NTN4: variants seen among roughly 807,000 people sequenced by gnomAD.
NTN4 encodes netrin 4, also known as netrin-4.
Under a neutral mutation model 73.6 loss-of-function variants are expected in NTN4, and 32 were observed. The observed-to-expected ratio is 0.44, with a 90% CI of 0.33 to 0.58. The LOEUF (loss-of-function observed/expected upper bound fraction) is 0.58, where lower values mean the gene tolerates loss of function less well. Among genes scored for constraint, NTN4 ranks in the 20% least tolerant of loss-of-function variants. The pLI, the probability that NTN4 is intolerant of heterozygous loss-of-function variation, is 0.04. For synonymous variants in NTN4, 258 were observed against 287.5 expected (o/e 0.90, Z 1.04); for missense variants, 654 against 798.3 (o/e 0.82, Z 2.18).
chr12:95,770,935 G>A (rs1183429710), intron 2 of NTN4, among the ~76,000 whole-genome samples: 1 of 151,904 alleles, frequency 6.6e-6, no homozygotes, highest in African/African-American at 2.4e-5. Flanking sequence ...AGAAAGAAGG[G>A]TGTTGTTCTG....
intron 3 of NTN4, among the ~76,000 whole-genome samples, chr12:95,736,187 C>T (rs1484294507): frequency 6.6e-6 from 1 of 152,118 alleles, no homozygotes; most frequent in Non-Finnish European, 1.5e-5. Flanking sequence ...GATCCACCCG[C>T]CTTGGCCTCC....
chr12:95,732,320 GT>G (rs1565900037), intron 3 of NTN4, among the ~76,000 whole-genome samples: 1 of 134,702 alleles, frequency 7.4e-6, no homozygotes. Context: ...TAACTTTATC[GT>G]TTTTAAAATC....
At chr12:95,744,062 C>T (rs888560161) in intron 2 of NTN4, among the ~76,000 whole-genome samples, 3 of 152,080 alleles carry the variant, frequency 2.0e-5, no homozygotes, top group Admixed American at 6.6e-5. Context: ...CCACCACGCC[C>T]GGCTAATTTT....
At chr12:95,783,230 T>C (rs1217928065) in intron 2 of NTN4, among the ~76,000 whole-genome samples, 2 of 152,162 alleles carry the variant, frequency 1.3e-5, no homozygotes, top group African/African-American at 4.8e-5. Context: ...ATCATTAGGG[T>C]CCTGAAAGAT....
chr12:95,722,114 A>G (rs2078653004), intron 3 of NTN4, among the ~76,000 whole-genome samples: 2 of 149,968 alleles, frequency 1.3e-5, no homozygotes, highest in African/African-American at 2.5e-5. Flanking sequence ...ACTAAGACCT[A>G]AAGTCAAGTT....
At chr12:95,664,118 A>C (rs776565328) in intron 9 of NTN4, among the ~76,000 whole-genome samples, 1 of 152,088 alleles carries the variant, frequency 6.6e-6, no homozygotes, top group African/African-American at 2.4e-5. Flanking sequence ...CAGTGGCTCA[A>C]TCATGGCTCA....
chr12:95,735,607 G>A (rs2078769993), intron 3 of NTN4, among the ~76,000 whole-genome samples: 1 of 152,124 alleles, frequency 6.6e-6, no homozygotes. Flanking sequence ...TTTTGGAATG[G>A]AAAAACACTT....
chr12:95,674,759 T>C (rs2078260231), intron 7 of NTN4, among the ~76,000 whole-genome samples: 2 of 152,216 alleles, frequency 1.3e-5, no homozygotes, highest in African/African-American at 4.8e-5. Flanking sequence ...CACCATTCTA[T>C]ACCCAATGCA....
intron 2 of NTN4, among the ~76,000 whole-genome samples, chr12:95,779,521 C>G (rs931552532): frequency 3.3e-5 from 5 of 152,122 alleles, no homozygotes; most frequent in African/African-American, 1.2e-4. Context: ...AACAGACAAA[C>G]AGAGAGCCAA....
At chr12:95,771,036 C>T (rs2079055070) in intron 2 of NTN4, among the ~76,000 whole-genome samples, 2 of 142,874 alleles carry the variant, frequency 1.4e-5, no homozygotes, top group African/African-American at 5.4e-5. Flanking sequence ...GTCGCCCAGG[C>T]TGGAGTGCAG....
chr12:95,664,859 G>A (rs1384014997), intron 9 of NTN4, among the ~76,000 whole-genome samples: 1 of 151,970 alleles, frequency 6.6e-6, no homozygotes, highest in Non-Finnish European at 1.5e-5. Flanking sequence ...ATGTAACAAT[G>A]AGTTTATATG....
Position 95,710,439 on chromosome 12 carries a change from A to T in NTN4, c.1180+2T>A. 6.2e-7 allele frequency: 1 copy of T among 1,610,424 alleles called. No homozygotes were observed. The highest frequency in any genetic ancestry group is 8.5e-7 in the Non-Finnish European group (1 of 1,177,786). The stretch of plus-strand genomic sequence containing the variant: ...ATTTTCTGGAAACCACAGGTTACTT[A>T]CGTTTGCAAGCATCTGGAGCTGAGA... On this transcript the variant is annotated splice_donor_variant, in intron 5 of 9. Transcript: ENST00000343702. LOFTEE classifies it high-confidence loss of function.
intron 3 of NTN4, among the ~76,000 whole-genome samples, chr12:95,729,562 T>C (rs1037017227): frequency 2.0e-5 from 3 of 152,044 alleles, no homozygotes; most frequent in East Asian, 1.9e-4. Context: ...CTTGTTTTCC[T>C]TACTATTTGA....
intron 5 of NTN4, among the ~76,000 whole-genome samples, chr12:95,705,191 G>A (rs912651489): frequency 3.9e-5 from 6 of 151,912 alleles, no homozygotes; most frequent in African/African-American, 1.2e-4. Flanking sequence ...TTTTTTAAGA[G>A]TATCTTAATG....
At chr12:95,753,388 T>A (rs1236251305) in intron 2 of NTN4, among the ~76,000 whole-genome samples, 1 of 148,066 alleles carries the variant, frequency 6.8e-6, no homozygotes, top group Non-Finnish European at 1.5e-5. Context: ...GCAAATTAGC[T>A]TTACTCAACA....
chr12:95,790,683 C>A lies in NTN4; in HGVS notation c.-374G>T. The A allele has an allele frequency of 6.1e-6, 1 of 164,232 alleles. No homozygotes were observed. The highest frequency in any genetic ancestry group is 1.8e-4 in the South Asian group (1 of 5,632). 10.2% of individuals were successfully genotyped at this position (164,232 alleles called of 1,614,324 possible). ...TTTGCGAGACCTTTCACTTCCCGGC[C>A]GCCGCCGCCGCCTCCTCCTGGGCGT... On this transcript the variant is annotated 5_prime_UTR_variant, in exon 1 of 10. Coordinates refer to ENST00000343702, the MANE Select transcript of NTN4 (RefSeq NM_021229.4). The surrounding 1 kb of genome is among the most constrained non-coding windows in gnomAD (Gnocchi z 6.5).
rs569102321 is a variant in NTN4 at position 95,782,315 on chromosome 12, A to G, written c.585+4624T>C. Among the ~76,000 whole-genome samples, 4 of 150,686 alleles carry G rather than the reference A, an allele frequency of 2.7e-5. No homozygotes were observed. In the East Asian group the frequency reaches 7.8e-4, roughly 29 times the overall value. ...TTACTTTTTTTTTTTCTTTTTTTTG[A>G]GACAGAGTCTCACTCTGTCGCCCAG... On this transcript the variant is annotated intron_variant, in intron 2 of 9. Coordinates refer to ENST00000343702, the MANE Select transcript of NTN4 (RefSeq NM_021229.4).
At chr12:95,684,646 C>T (rs1451480490) in intron 5 of NTN4, among the ~76,000 whole-genome samples, 1 of 151,932 alleles carries the variant, frequency 6.6e-6, no homozygotes, top group Middle Eastern at 3.2e-3. Context: ...TCTCCTCAGC[C>T]CTCTCCCTAC....
chr12:95,780,615 C>G (rs961560159), intron 2 of NTN4, among the ~76,000 whole-genome samples: 1 of 151,784 alleles, frequency 6.6e-6, no homozygotes, highest in Non-Finnish European at 1.5e-5. Flanking sequence ...CATCTCACAC[C>G]AGTTAGAATG....
Sources: gnomAD v4.1 joint callset for allele counts (sites outside exome capture counted in the v4.1 genomes callset) on GRCh38, gnomAD v4.1.1 for gene constraint, Gnocchi (gnomAD v3.1) non-coding constraint, MANE v1.5 for transcripts, NCBI Gene and HGNC (gene_info 2026-07-23, HGNC 2026-07-21) for gene names.